Variants in CSMD3 observed in about 807,000 individuals in gnomAD.
The protein encoded by CSMD3 is CUB and Sushi multiple domains 3, also known as CUB and sushi domain-containing protein 3.
CSMD3 carries 177 observed loss-of-function variants against 435.2 expected under a neutral mutation model. That is an observed-to-expected ratio of 0.41 (90% CI 0.36 to 0.46). CSMD3 has a LOEUF of 0.46. Among genes scored for constraint, CSMD3 ranks in the 20% least tolerant of loss-of-function variants. The pLI, the probability that CSMD3 is intolerant of heterozygous loss-of-function variation, is 0.34. For missense variants in CSMD3, 4,265 were observed against 4,504.6 expected (o/e 0.95, Z 1.52); for synonymous variants, 1,656 against 1,520.5 (o/e 1.09, Z -2.07).
At chr8:112,594,832 C>T (rs1330237308) in intron 22 of CSMD3, among the ~76,000 whole-genome samples, 1 of 151,998 alleles carries the variant, frequency 6.6e-6, no homozygotes, top group African/African-American at 2.4e-5. Context: ...AACTAACAAA[C>T]AGAAAGGACA....
chr8:112,885,564 T>G (rs1043432021), intron 10 of CSMD3, among the ~76,000 whole-genome samples: 1 of 151,752 alleles, frequency 6.6e-6, no homozygotes, highest in Non-Finnish European at 1.5e-5. Context: ...TGTTCTTTTG[T>G]GGATATGAGA....
intron 4 of CSMD3, among the ~76,000 whole-genome samples, chr8:113,116,756 G>A (rs900712094): frequency 6.6e-6 from 1 of 152,144 alleles, no homozygotes; most frequent in Non-Finnish European, 1.5e-5. Context: ...GAATGGCTTT[G>A]ACAAAAATGC....
intron 32 of CSMD3, among the ~76,000 whole-genome samples, chr8:112,410,660 ATGTATATATATATG>A (rs1832314378): frequency 8.5e-6 from 1 of 117,662 alleles, no homozygotes; most frequent in Non-Finnish European, 1.9e-5. Flanking sequence ...GTGTATATAT[ATGTATATATATATG>A]TGTATATATA....
At chr8:112,609,382 A>G (rs1833074742) in intron 22 of CSMD3, among the ~76,000 whole-genome samples, 1 of 152,092 alleles carries the variant, frequency 6.6e-6, no homozygotes, top group South Asian at 2.1e-4. Flanking sequence ...TCCAAAGAAG[A>G]CATACAAGTG....
chr8:112,881,432 G>A (rs1301607887), intron 10 of CSMD3, among the ~76,000 whole-genome samples: 1 of 151,994 alleles, frequency 6.6e-6, no homozygotes, highest in African/African-American at 2.4e-5. Context: ...TCTTTCAAAT[G>A]TATCTAACAA....
In CSMD3 at chr8:112,975,995, C is replaced by G. The variant is rs1564168791; in HGVS notation, c.1184G>C (p.Arg395Pro). ...ATTTCTGAGACTCGTAACTTGCACT[C>G]GCTGTTCCTCGGAAAGTCTATGGAT... ...VTIHRLSEEQ[R>P]VQVTSLRNSG... Residue 395 changes from arginine (R) to proline (P), a missense_variant, in exon 7 of 71, where the codon CGA (arginine) becomes CCA (proline). Around this residue, in one of 3 missense-constraint regions of CSMD3, gnomAD observed 731 missense variants for 755.4 expected, o/e 0.97. Coordinates refer to ENST00000297405, the MANE Select transcript of CSMD3 (RefSeq NM_198123.2). The G allele has an allele frequency of 6.2e-7, 1 of 1,613,986 alleles. No homozygotes were observed. Among genetic ancestry groups the G allele is most frequent in the Non-Finnish European group, 8.5e-7 (1 of 1,179,944 alleles).
At chr8:113,076,203 A>C (rs1366262939) in intron 5 of CSMD3, among the ~76,000 whole-genome samples, 1 of 151,224 alleles carries the variant, frequency 6.6e-6, no homozygotes, top group Non-Finnish European at 1.5e-5. Context: ...GATACTAGAT[A>C]GATAGCAAAG....
At chr8:112,345,624 A>G (rs780186354) in intron 41 of CSMD3, among the ~76,000 whole-genome samples, 35 of 152,148 alleles carry the variant, frequency 2.3e-4, no homozygotes, top group Non-Finnish European at 3.5e-4. Context: ...ACAAAATTTC[A>G]GTTACACAAA....
intron 10 of CSMD3, among the ~76,000 whole-genome samples, chr8:112,916,462 GA>G (rs200082317): frequency 6.0e-5 from 9 of 149,664 alleles, no homozygotes; most frequent in South Asian, 2.1e-4. Context: ...ATGGCTTTTA[GA>G]AAAAAAAACC....
At chr8:112,375,717 A>G (rs1166089527) in intron 38 of CSMD3, among the ~76,000 whole-genome samples, 1 of 152,174 alleles carries the variant, frequency 6.6e-6, no homozygotes, top group Admixed American at 6.5e-5. Context: ...TATTTTAGAA[A>G]TGTAAAAGTT....
intron 1 of CSMD3, among the ~76,000 whole-genome samples, chr8:113,421,552 GT>G (rs1263553003): frequency 2.0e-5 from 3 of 152,058 alleles, no homozygotes; most frequent in Non-Finnish European, 2.9e-5. Context: ...TGTCAACTGT[GT>G]TTTTTTGGGA....
chr8:112,454,449 C>A (rs545417510), intron 32 of CSMD3, among the ~76,000 whole-genome samples: 1 of 152,152 alleles, frequency 6.6e-6, no homozygotes, highest in South Asian at 2.1e-4. Flanking sequence ...AAAACATGGG[C>A]AAATAACATG....
At chr8:112,794,684 G>A (rs1400701378) in intron 13 of CSMD3, among the ~76,000 whole-genome samples, 2 of 152,056 alleles carry the variant, frequency 1.3e-5, no homozygotes, top group Admixed American at 6.6e-5. Context: ...GTTTATCAGA[G>A]TCTAGAATAG....
chr8:113,001,583 G>T (rs2085865999), intron 6 of CSMD3, among the ~76,000 whole-genome samples: 2 of 151,868 alleles, frequency 1.3e-5, no homozygotes, highest in African/African-American at 2.4e-5. Context: ...CTCTATTCCA[G>T]CCCCTTCCAT....
chr8:112,662,267 G>A (rs60844736), intron 17 of CSMD3, among the ~76,000 whole-genome samples: 5,201 of 151,928 alleles, frequency 0.034, 300 homozygotes, highest in African/African-American at 0.12. Context: ...ACCTGACTTC[G>A]AACTATACTA....
chr8:112,907,054 T>G (rs1427212936), intron 10 of CSMD3, among the ~76,000 whole-genome samples: 1 of 151,548 alleles, frequency 6.6e-6, no homozygotes, highest in Non-Finnish European at 1.5e-5. Flanking sequence ...AAACTACTGG[T>G]TTTAAAAAGG....
Position 112,311,127 on chromosome 8 carries a change from T to A in CSMD3, c.7736A>T (p.Tyr2579Phe), listed in dbSNP as rs1427233781. The A allele has an allele frequency of 4.3e-6, 7 of 1,613,898 alleles. No individual in the cohort carries two copies. Among genetic ancestry groups the A allele is most frequent in the Non-Finnish European group, 5.9e-6 (7 of 1,179,966 alleles). The change falls in exon 50 of 71, where the codon TAT (tyrosine) becomes TTT (phenylalanine). Residue 2579 changes from tyrosine (Y) to phenylalanine (F), a missense_variant. Around this residue, in one of 3 missense-constraint regions of CSMD3, gnomAD observed 3,255 missense variants for 3,380.2 expected, o/e 0.96. Transcript: ENST00000297405. ...CTGCCCACCTGTCTGACTGATAATATATCCATGAGGTGGGGATTCTGGTGT... is the reference window on the plus strand; with the variant it reads ...CTGCCCACCTGTCTGACTGATAATAAATCCATGAGGTGGGGATTCTGGTGT... Reference protein sequence around the residue: ...CSTPESPPHGYIISQTGGQLN... With the variant: ...CSTPESPPHGFIISQTGGQLN...
chr8:113,115,700 G>T (rs1226464483), intron 4 of CSMD3, among the ~76,000 whole-genome samples: 1 of 152,148 alleles, frequency 6.6e-6, no homozygotes, highest in East Asian at 1.9e-4. Flanking sequence ...GTGAAACTTT[G>T]TGTTATTTTG....
At chr8:112,395,799 T>C (rs1279617141) in intron 35 of CSMD3, among the ~76,000 whole-genome samples, 1 of 152,132 alleles carries the variant, frequency 6.6e-6, no homozygotes, top group Non-Finnish European at 1.5e-5. Flanking sequence ...GTTTAAGAAA[T>C]GTGAAATGTA....
Sources: allele counts gnomAD v4.1 joint callset (sites outside exome capture counted in the v4.1 genomes callset), GRCh38; gene constraint gnomAD v4.1.1; regional missense constraint gnomAD v4.1.1; transcripts MANE v1.5; gene names NCBI Gene and HGNC (gene_info 2026-07-23, HGNC 2026-07-21).